CLK3: variants seen among roughly 807,000 people sequenced by gnomAD.
CLK3 encodes dual specificity protein kinase CLK3.
CLK3 carries 24 observed loss-of-function variants against 65.2 expected under a neutral mutation model. The observed-to-expected ratio is 0.37, with a 90% CI of 0.27 to 0.52. CLK3 has a LOEUF of 0.52. CLK3 is among the 20% of genes least tolerant of loss of function. The pLI is 0.92. For synonymous variants in CLK3, 252 were observed against 240.8 expected (o/e 1.05, Z -0.43); for missense variants, 506 against 660.0 (o/e 0.77, Z 2.56).
At chr15:74,626,060 TACTA>T (rs1237058211) in intron 7 of CLK3, 92 bp downstream of exon 7, 8 of 1,392,844 alleles carry the variant, frequency 5.7e-6, no homozygotes, top group Non-Finnish European at 8.0e-6. Flanking sequence ...TCCAGCACGT[TACTA>T]ACCATTCTCC....
At chr15:74,629,193 C>T in intron 12 of CLK3, 161 bp downstream of exon 12, 1 of 717,172 alleles carries the variant, frequency 1.4e-6, no homozygotes, top group Non-Finnish European at 2.6e-6. Flanking sequence ...AATGGGGCTT[C>T]TTGCAAACTG....
At chr15:74,617,628 T>A (rs2062070521) in intron 1 of CLK3, among the ~76,000 whole-genome samples, 1 of 152,244 alleles carries the variant, frequency 6.6e-6, no homozygotes, top group Admixed American at 6.5e-5. Context: ...GACATAAGAA[T>A]CTTCTAGGTC....
At chr15:74,615,517 C>T (rs1476742224), upstream of CLK3, 2 of 1,297,758 alleles carry the variant, frequency 1.5e-6, no homozygotes, top group Non-Finnish European at 9.8e-7. Context: ...GGCGACGGAG[C>T]GGGCCCAGCC....
At chr15:74,610,515 C>T (rs142962377) in intron 1 of CLK3, among the ~76,000 whole-genome samples, 148 of 152,364 alleles carry the variant, frequency 9.7e-4, no homozygotes, top group African/African-American at 3.5e-3. Flanking sequence ...CCTTTGATAA[C>T]GCAGGCGGAC....
In CLK3 at chr15:74,620,131, G is replaced by A. The variant is rs201552338; in HGVS notation, c.275G>A (p.Arg92His). 1.1e-5 allele frequency: 17 copies of A among 1,614,158 alleles called. No individual in the cohort carries two copies. Among genetic ancestry groups the A allele is most frequent in the South Asian group, 5.5e-5 (5 of 91,086 alleles). ...DYYGPSRSRH[R>H]RRSRERGPYR... ...TATGGACCTTCACGTTCTCGTCATCGTCGGCGATCGCGGGAGAGGGGGCCA... is the reference window on the plus strand; with the variant it reads ...TATGGACCTTCACGTTCTCGTCATCATCGGCGATCGCGGGAGAGGGGGCCA... Residue 92 changes from arginine (R) to histidine (H), a missense_variant, in exon 3 of 13, where the codon CGT (arginine) becomes CAT (histidine). This residue lies in a region of CLK3 where 181 missense variants were observed against 159.4 expected (regional missense o/e 1.14). Transcript: ENST00000395066.
chr15:74,618,458 G>T (rs139008506), intron 1 of CLK3, among the ~76,000 whole-genome samples: 9 of 152,328 alleles, frequency 5.9e-5, no homozygotes, highest in African/African-American at 2.2e-4. Context: ...GGTACTGTTG[G>T]ATAAAGGCAA....
Position 74,615,846 on chromosome 15 carries a change from GA to G in CLK3, c.-52del. ...GCGGAGGTCGCAGCCGGAAGCGGAA[GA>G]GGCGCTCGGAGCGGGGAGTGGGGCC... On this transcript the variant is annotated 5_prime_UTR_variant, in exon 1 of 13. Coordinates refer to ENST00000395066, the MANE Select transcript of CLK3 (RefSeq NM_001130028.2). 1 of 1,253,138 alleles carries G rather than the reference GA, an allele frequency of 8.0e-7. No individual in the cohort carries two copies. Among genetic ancestry groups the G allele is most frequent in the Non-Finnish European group, 1.0e-6 (1 of 998,634 alleles). 77.6% of individuals were successfully genotyped at this position (1,253,138 alleles called of 1,614,324 possible).
intron 1 of CLK3, among the ~76,000 whole-genome samples, chr15:74,616,113 G>A (rs1197349915): frequency 6.6e-6 from 1 of 152,246 alleles, no homozygotes; most frequent in Non-Finnish European, 1.5e-5. Context: ...CGGTGTTGAA[G>A]GCGGAGCCTG....
At chr15:74,609,302 T>A in intron 1 of CLK3, among the ~76,000 whole-genome samples, 1 of 152,206 alleles carries the variant, frequency 6.6e-6, no homozygotes, top group East Asian at 1.9e-4. Flanking sequence ...TTCTCTACAC[T>A]CCAGGCTACG....
intron 1 of CLK3, among the ~76,000 whole-genome samples, chr15:74,609,523 C>T (rs2061959876): frequency 6.6e-6 from 1 of 152,274 alleles, no homozygotes; most frequent in African/African-American, 2.4e-5. Flanking sequence ...CCCCCTGGTA[C>T]AGATGGGCAT....
chr15:74,624,546 T>TCATTAGAAA lies in CLK3; in HGVS notation c.534-356_534-355insCATTAGAAA. ...CTCGGTGGGACAGCCTGGCCAGGGTTGGGGCTGCCTGGCCTATAGGTTAGG... is the reference window on the plus strand; with the variant it reads ...CTCGGTGGGACAGCCTGGCCAGGGTTCATTAGAAAGGGGCTGCCTGGCCTATAGGTTAGG... On this transcript the variant is annotated intron_variant, in intron 5 of 12. Coordinates refer to ENST00000395066, the MANE Select transcript of CLK3 (RefSeq NM_001130028.2). This position sits in a 1 kb window ranked among gnomAD's most constrained non-coding sequence, Gnocchi z 4.2. The TCATTAGAAA allele has an allele frequency of 4.9e-6, 1 of 203,950 alleles. No individual in the cohort carries two copies. Among genetic ancestry groups the TCATTAGAAA allele is most frequent in the Non-Finnish European group, 9.7e-6 (1 of 103,478 alleles). 12.6% of individuals were successfully genotyped at this position (203,950 alleles called of 1,614,324 possible).
At chr15:74,626,921 G>A (rs983769120) in intron 7 of CLK3, 3 of 453,276 alleles carry the variant, frequency 6.6e-6, no homozygotes, top group African/African-American at 6.0e-5. Context: ...TTGATTTAAT[G>A]TCCTTTTGCC....
chr15:74,623,585 G>A (rs903965349), intron 5 of CLK3: 22 of 152,236 alleles, frequency 1.4e-4, no homozygotes, highest in African/African-American at 5.3e-4. Context: ...TGGCCCAAGA[G>A]GTTAGGGTTG....
In CLK3 at chr15:74,624,534, C is replaced by T. The variant is rs2062129048; in HGVS notation, c.534-368C>T. The T allele has an allele frequency of 5.2e-6, 1 of 192,876 alleles. No homozygotes were observed. The highest frequency in any genetic ancestry group is 1.0e-5 in the Non-Finnish European group (1 of 96,288). 11.9% of individuals were successfully genotyped at this position (192,876 alleles called of 1,614,324 possible). A position where few individuals can be genotyped will look rare whatever the true frequency, so the allele number is the denominator to read the frequency against. On this transcript the variant is annotated intron_variant, in intron 5 of 12. Coordinates refer to ENST00000395066, the MANE Select transcript of CLK3 (RefSeq NM_001130028.2). The surrounding 1 kb of genome is among the most constrained non-coding windows in gnomAD (Gnocchi z 4.2). ...CGCAGGAGGGTTCTCGGTGGGACAG[C>T]CTGGCCAGGGTTGGGGCTGCCTGGC... is the stretch of plus-strand genomic sequence containing the variant.
At position 74,629,762 on chromosome 15, in the gene CLK3, G is replaced by A. The variant is rs1453206396; in HGVS notation, c.1352G>A (p.Arg451Lys). 3 of 1,613,680 alleles carry A rather than the reference G, an allele frequency of 1.9e-6. No individual in the cohort carries two copies. The highest frequency in any genetic ancestry group is 2.2e-5 in the East Asian group (1 of 44,854). ...EHVQLFDLMR[R>K]MLEFDPAQRI... ...GTGCAGCTGTTTGACCTGATGAGGA[G>A]GATGTTAGAATTTGACCCTGCCCAG... The change falls in exon 13 of 13, where the codon AGG becomes AAG. Residue 451 changes from arginine (R) to lysine (K), a missense_variant. Physicochemically the swap from Arg to Lys is conservative, Grantham distance 26. This residue lies in a region of CLK3 where 325 missense variants were observed against 500.5 expected (regional missense o/e 0.65). Coordinates refer to ENST00000395066, the MANE Select transcript of CLK3 (RefSeq NM_001130028.2).
At chr15:74,617,406 G>A (rs1454003271) in intron 1 of CLK3, among the ~76,000 whole-genome samples, 2 of 152,236 alleles carry the variant, frequency 1.3e-5, no homozygotes, top group Non-Finnish European at 2.9e-5. Context: ...TGGGCACAAA[G>A]CTGTGCTAGG....
rs146329671 is a variant in CLK3, at chr15:74,620,080, G to A, written c.224G>A (p.Arg75Gln). 7.4e-6 allele frequency: 12 copies of A among 1,614,068 alleles called. No homozygotes were observed. The highest frequency in any genetic ancestry group is 5.0e-5 in the Admixed American group (3 of 60,012). ...AGCGATACATACCGGTGTGAAGAGC[G>A]GAGCCCATCCTTTGGAGAGGACTAC... is the stretch of plus-strand genomic sequence containing the variant. ...RDSDTYRCEE[R>Q]SPSFGEDYYG... The change falls in exon 3 of 13, where the codon CGG (arginine) becomes CAG (glutamine). Residue 75 changes from arginine (R) to glutamine (Q), a missense_variant. Physicochemically the swap from Arg to Gln is conservative, Grantham distance 43. Coordinates refer to ENST00000395066, the MANE Select transcript of CLK3 (RefSeq NM_001130028.2).
chr15:74,629,090 G>GGT, intron 12 of CLK3, 58 bp downstream of exon 12: 1 of 1,281,766 alleles, frequency 7.8e-7, no homozygotes, highest in Non-Finnish European at 1.1e-6. Context: ...CAGGCACTGG[G>GGT]CAGACATACA....
chr15:74,617,156 C>G (rs1354934144), intron 1 of CLK3, among the ~76,000 whole-genome samples: 1 of 152,186 alleles, frequency 6.6e-6, no homozygotes, highest in Non-Finnish European at 1.5e-5. Flanking sequence ...TCTCTTTTGC[C>G]AGGCTGAGAG....
Sources: allele counts gnomAD v4.1 joint callset (sites outside exome capture counted in the v4.1 genomes callset), GRCh38; gene constraint gnomAD v4.1.1; regional missense constraint gnomAD v4.1.1; non-coding constraint Gnocchi (gnomAD v3.1); transcripts MANE v1.5; gene names NCBI Gene and HGNC (gene_info 2026-07-23, HGNC 2026-07-21).